TAOK3: variants seen among roughly 807,000 people sequenced by gnomAD.
TAOK3 encodes the protein TAO kinase 3.
A neutral mutation model predicts 120.4 loss-of-function variants in TAOK3; 40 were observed. The ratio of observed to expected loss-of-function variants is 0.33; its 90% CI spans 0.26 to 0.43. TAOK3 has a LOEUF of 0.43. Ranked by LOEUF, TAOK3 falls within the 20% of genes least tolerant of loss-of-function variation. The probability of loss-of-function intolerance (pLI) is 1.00; values close to 1 mark genes in which losing one functional copy is unlikely to be tolerated. For synonymous variants in TAOK3, 355 were observed against 387.5 expected (o/e 0.92, Z 0.99); for missense variants, 821 against 1,112.1 (o/e 0.74, Z 3.72).
rs561109119 is a variant in TAOK3 at position 118,327,064 on chromosome 12, T to A, written c.-194+45584A>T. On this transcript the variant is annotated intron_variant, in intron 1 of 20. Coordinates refer to ENST00000392533, the MANE Select transcript of TAOK3 (RefSeq NM_016281.4). ...ATAACTACATGATTATTGCAAAACA[T>A]CTCTTAATGTTCTTATTTAAAAGAC... Among the ~76,000 whole-genome samples, 3 of 152,338 alleles carry A rather than the reference T, an allele frequency of 2.0e-5. No homozygotes were observed. The South Asian group carries it at 6.2e-4, about 32-fold the overall frequency.
chr12:118,182,205 G>T (rs769585052), intron 14 of TAOK3, among the ~76,000 whole-genome samples: 9 of 151,788 alleles, frequency 5.9e-5, no homozygotes, highest in Non-Finnish European at 1.3e-4. Context: ...ACAACAAAAA[G>T]AAATTATTTA....
intron 15 of TAOK3, among the ~76,000 whole-genome samples, chr12:118,179,770 G>A (rs1475990808): frequency 1.3e-5 from 2 of 150,230 alleles, no homozygotes; most frequent in South Asian, 2.1e-4. Flanking sequence ...TCAGCCTCCC[G>A]AGTAGCTGGG....
At chr12:118,224,328 C>T (rs2039399103) in intron 9 of TAOK3, among the ~76,000 whole-genome samples, 1 of 152,176 alleles carries the variant, frequency 6.6e-6, no homozygotes, top group African/African-American at 2.4e-5. Context: ...AATATAACCC[C>T]TTCTCCCCAA....
At chr12:118,251,621 G>T (rs1470641505) in intron 3 of TAOK3, among the ~76,000 whole-genome samples, 2 of 152,104 alleles carry the variant, frequency 1.3e-5, no homozygotes, top group Non-Finnish European at 2.9e-5. Context: ...ATTAGAAATA[G>T]TCCTCACCTT....
rs185663581 is a variant in TAOK3 at position 118,177,826 on chromosome 12, A to G, written c.1567-497T>C. On this transcript the variant is annotated intron_variant, in intron 15 of 20. Transcript: ENST00000392533. ...CAACAAGAGCAGAACTCTGTCTCAA[A>G]AAAAGAAAAAAAAGAAAAAGAAAAA... Among the ~76,000 whole-genome samples, 200 of 152,276 alleles carry G rather than the reference A, an allele frequency of 1.3e-3. 1 individual carries two copies. Among genetic ancestry groups the G allele is most frequent in the African/African-American group, 4.5e-3 (189 of 41,580 alleles).
intron 13 of TAOK3, among the ~76,000 whole-genome samples, chr12:118,193,049 G>GTTGT (rs1555218132): frequency 9.3e-6 from 1 of 107,408 alleles, no homozygotes; most frequent in Non-Finnish European, 1.8e-5. Flanking sequence ...CCACGTTGTT[G>GTTGT]TTTTTTTTTT....
chr12:118,209,226 G>A (rs1377234935), intron 11 of TAOK3, among the ~76,000 whole-genome samples: 1 of 152,056 alleles, frequency 6.6e-6, no homozygotes, highest in Non-Finnish European at 1.5e-5. Context: ...ACACTGTAAA[G>A]CAAAAAGAAA....
chr12:118,337,761 G>A (rs2044426084), intron 1 of TAOK3, among the ~76,000 whole-genome samples: 2 of 152,206 alleles, frequency 1.3e-5, no homozygotes, highest in African/African-American at 4.8e-5. Flanking sequence ...TGGATAGAGG[G>A]TGGTGGAAGG....
intron 1 of TAOK3, among the ~76,000 whole-genome samples, chr12:118,343,924 A>T (rs1027746399): frequency 2.6e-5 from 4 of 151,754 alleles, no homozygotes; most frequent in African/African-American, 9.7e-5. Flanking sequence ...AGGCAGGAGA[A>T]TGGCATGAAC....
intron 1 of TAOK3, among the ~76,000 whole-genome samples, chr12:118,356,109 T>C (rs558197745): frequency 6.6e-6 from 1 of 152,118 alleles, no homozygotes; most frequent in Non-Finnish European, 1.5e-5. Flanking sequence ...ATACAAATGA[T>C]AGCTTCCTTG....
rs1025805605 is a variant in TAOK3, at chr12:118,371,122, A to G, written c.-194+1526T>C. Among the ~76,000 whole-genome samples, 6 of 152,194 alleles carry G rather than the reference A, an allele frequency of 3.9e-5. No individual in the cohort carries two copies. Among genetic ancestry groups the G allele is most frequent in the African/African-American group, 1.4e-4 (6 of 41,448 alleles). On this transcript the variant is annotated intron_variant, in intron 1 of 20. Transcript: ENST00000392533. This position sits in a 1 kb window ranked among gnomAD's most constrained non-coding sequence, Gnocchi z 5.5. ...TGATACTGATATGCTGCCAAATCTAAAAAAGTTTCTTAGCTCCTTGAGCTA... is the reference window on the plus strand; with the variant it reads ...TGATACTGATATGCTGCCAAATCTAGAAAAGTTTCTTAGCTCCTTGAGCTA...
intron 1 of TAOK3, among the ~76,000 whole-genome samples, chr12:118,327,992 AG>A (rs1237282495): frequency 7.2e-5 from 11 of 151,838 alleles, no homozygotes; most frequent in Non-Finnish European, 5.9e-5. Flanking sequence ...TGTTCCACAT[AG>A]TGTTTATATG....
chr12:118,216,527 G>C (rs1213450476), intron 9 of TAOK3, among the ~76,000 whole-genome samples: 1 of 152,148 alleles, frequency 6.6e-6, no homozygotes, highest in Non-Finnish European at 1.5e-5. Context: ...AATAAAATGT[G>C]ATTCACATAT....
intron 2 of TAOK3, among the ~76,000 whole-genome samples, chr12:118,261,937 T>C (rs998903738): frequency 3.3e-5 from 5 of 152,116 alleles, no homozygotes; most frequent in Non-Finnish European, 2.9e-5. Flanking sequence ...CTTGGCTCAC[T>C]GGAACCTCTG....
Position 118,179,638 on chromosome 12 carries a change from C to T in TAOK3, c.1566+1733G>A, listed in dbSNP as rs76947677. The stretch of plus-strand genomic sequence containing the variant: ...TGATATTATGACTATCTGCCTTACC[C>T]TTCTGTTTTTTTTTTTTTTTTTTCA... On this transcript the variant is annotated intron_variant, in intron 15 of 20. Transcript: ENST00000392533. Among the ~76,000 whole-genome samples the T allele has an allele frequency of 5.0e-3, 756 of 150,218 alleles. 9 individuals are homozygous for T. Among genetic ancestry groups the T allele is most frequent in the African/African-American group, 0.017 (712 of 40,880 alleles).
intron 3 of TAOK3, among the ~76,000 whole-genome samples, chr12:118,251,729 T>C (rs1047126802): frequency 4.6e-5 from 7 of 152,230 alleles, no homozygotes; most frequent in African/African-American, 1.7e-4. Flanking sequence ...AGGTCTCATT[T>C]TGCCACTATT....
intron 1 of TAOK3, among the ~76,000 whole-genome samples, chr12:118,286,098 A>C (rs410747): frequency 0.54 from 81,663 of 151,986 alleles, 22,769 homozygotes; most frequent in African/African-American, 0.69. Context: ...CTAAGGAGTT[A>C]CCAGCTTGAC....
intron 9 of TAOK3, among the ~76,000 whole-genome samples, chr12:118,224,432 TTG>T (rs1374742370): frequency 6.6e-6 from 1 of 152,242 alleles, no homozygotes; most frequent in Non-Finnish European, 1.5e-5. Flanking sequence ...ACATTTATGT[TTG>T]TGTTTTGTTC....
intron 1 of TAOK3, among the ~76,000 whole-genome samples, chr12:118,348,193 T>A (rs1018588906): frequency 6.6e-6 from 1 of 152,202 alleles, no homozygotes; most frequent in Admixed American, 6.5e-5. Context: ...GGAAGTAATC[T>A]CTTCCTTCTT....
Sources: gnomAD v4.1 joint callset for allele counts (sites outside exome capture counted in the v4.1 genomes callset) on GRCh38, gnomAD v4.1.1 for gene constraint, Gnocchi (gnomAD v3.1) non-coding constraint, MANE v1.5 for transcripts, NCBI Gene and HGNC (gene_info 2026-07-23, HGNC 2026-07-21) for gene names.